The following ANKRD36B variants were observed in gnomAD, a reference collection of about 807,000 sequenced individuals.
ANKRD36B encodes the protein ankyrin repeat domain-containing protein 36B.
In ANKRD36B, 37 loss-of-function variants were observed where a neutral mutation model predicts 135.7. The ratio of observed to expected loss-of-function variants is 0.27; its 90% CI spans 0.21 to 0.36. The LOEUF is 0.36. Among genes scored for constraint, ANKRD36B ranks in the 10% least tolerant of loss-of-function variants. The pLI, the probability that ANKRD36B is intolerant of heterozygous loss-of-function variation, is 1.00. For synonymous variants in ANKRD36B, 179 were observed against 348.1 expected (o/e 0.51, Z 5.41); for missense variants, 549 against 1,037.1 (o/e 0.53, Z 6.46).
chr2:97,540,556 C>A (rs1303564991), intron 28 of ANKRD36B, among the ~76,000 whole-genome samples: 1,296 of 96,260 alleles, frequency 0.013, 458 homozygotes, highest in Non-Finnish European at 0.029. Flanking sequence ...AACTCATACA[C>A]CTGAGAATCA....
At position 97,589,777 on chromosome 2, in the gene ANKRD36B, C is replaced by T; in HGVS notation, c.-92G>A. ...CGTATTTCAGCTCGCCTTCGGGGAT[C>T]GCCGCCTCCGAAGAGCAACAACAGG... On this transcript the variant is annotated 5_prime_UTR_variant, in exon 1 of 44. Coordinates refer to ENST00000359901, the MANE Select transcript of ANKRD36B (RefSeq NM_001393939.1). 2.5e-6 allele frequency: 4 copies of T among 1,593,364 alleles called. No individual in the cohort carries two copies. Among genetic ancestry groups the T allele is most frequent in the African/African-American group, 1.3e-5 (1 of 74,172 alleles).
rs758157821 is a variant in ANKRD36B at position 97,585,351 on chromosome 2, T to C, written c.209A>G (p.His70Arg). Reference protein sequence around the residue: ...ACATGQPEMVHLLVSRRCELN... With the variant: ...ACATGQPEMVRLLVSRRCELN... ...CTCACATCTTCTGGACACCAGGAGA[T>C]GTACCATTTCCGGTTGGCCAGTGGC... Residue 70 changes from histidine to arginine, a missense_variant, in exon 2 of 44, where the codon CAT (histidine) becomes CGT (arginine). By Grantham distance (29) the His-to-Arg change is conservative. Coordinates refer to ENST00000359901, the MANE Select transcript of ANKRD36B (RefSeq NM_001393939.1). 9 of 1,572,322 alleles carry C rather than the reference T, an allele frequency of 5.7e-6. No homozygotes were observed. The highest frequency in any genetic ancestry group is 1.4e-5 in the African/African-American group (1 of 73,832).
intron 6 of ANKRD36B, among the ~76,000 whole-genome samples, chr2:97,567,563 G>A (rs956916889): frequency 1.3e-5 from 2 of 152,040 alleles, no homozygotes; most frequent in African/African-American, 2.4e-5. Flanking sequence ...TGGGGTTGAA[G>A]ACCAAATATA....
intron 6 of ANKRD36B, among the ~76,000 whole-genome samples, chr2:97,575,280 G>A (rs1320980087): frequency 6.6e-6 from 1 of 151,564 alleles, no homozygotes; most frequent in Non-Finnish European, 1.5e-5. Flanking sequence ...TCTGCATCAT[G>A]GACAGCTCAT....
intron 10 of ANKRD36B, among the ~76,000 whole-genome samples, chr2:97,558,148 C>G (rs1428301701): frequency 4.6e-5 from 7 of 151,918 alleles, no homozygotes; most frequent in Non-Finnish European, 1.0e-4. Context: ...TGATGCCCAA[C>G]AGTAACAAAG....
Position 97,585,134 on chromosome 2 carries a change from G to A in ANKRD36B, c.277-17C>T, listed in dbSNP as rs746940268. 22 of 1,613,676 alleles carry A rather than the reference G, an allele frequency of 1.4e-5. No individual in the cohort carries two copies. Among genetic ancestry groups the A allele is most frequent in the Admixed American group, 3.3e-5 (2 of 59,974 alleles). ...TTGTACAGCCTGTCAGTATTAGACCGAGAAACATGCAAATACTGAAAAAAT... is the reference window on the plus strand; with the variant it reads ...TTGTACAGCCTGTCAGTATTAGACCAAGAAACATGCAAATACTGAAAAAAT... On this transcript the variant is annotated splice_polypyrimidine_tract_variant and intron_variant, in intron 2 of 43. Transcript: ENST00000359901.
chr2:97,545,763 G>C lies in ANKRD36B; in HGVS notation c.1609-25C>G, dbSNP rs181931139. The C allele has an allele frequency of 1.3e-4, 124 of 957,894 alleles. 35 individuals carry two copies. In the African/African-American group the frequency reaches 1.9e-3, roughly 15 times the overall value. The allele number at this position is 957,894 out of a possible 1,614,324, so 59.3% of individuals were successfully genotyped here. A position where few individuals can be genotyped will look rare whatever the true frequency, so the allele number is the denominator to read the frequency against. On this transcript the variant is annotated intron_variant, in intron 23 of 43. Transcript: ENST00000359901. Reference sequence around the variant, plus strand: ...CCTGAATGGAATTTGAAACAGAACAGTCAATAAATAAAGTATATTTCATAG... The same window carrying C: ...CCTGAATGGAATTTGAAACAGAACACTCAATAAATAAAGTATATTTCATAG...
At chr2:97,564,113 T>C (rs1490015151) in intron 6 of ANKRD36B, among the ~76,000 whole-genome samples, 1 of 151,792 alleles carries the variant, frequency 6.6e-6, no homozygotes, top group Non-Finnish European at 1.5e-5. Context: ...AATATGCACA[T>C]ATGTTGTAAG....
At chr2:97,554,584 T>C (rs2080331929) in intron 14 of ANKRD36B, among the ~76,000 whole-genome samples, 1 of 151,912 alleles carries the variant, frequency 6.6e-6, no homozygotes, top group Admixed American at 6.6e-5. Context: ...TTTTCCCTCC[T>C]TCCTGCCTCA....
intron 20 of ANKRD36B, 68 bp from the exon 21 acceptor site, chr2:97,547,799 A>T: frequency 1.3e-6 from 2 of 1,527,596 alleles, no homozygotes; most frequent in Non-Finnish European, 1.8e-6. Context: ...ACATTCACGC[A>T]GTGTTAGCAT....
chr2:97,562,049 C>A (rs1176589446), intron 6 of ANKRD36B, among the ~76,000 whole-genome samples: 1 of 151,880 alleles, frequency 6.6e-6, no homozygotes, highest in Admixed American at 6.6e-5. Flanking sequence ...TATTTATACT[C>A]ATGAAGACTC....
At chr2:97,551,159 T>C (rs2080022137) in intron 18 of ANKRD36B, 130 bp downstream of exon 18, 19 of 1,295,934 alleles carry the variant, frequency 1.5e-5, no homozygotes, top group Non-Finnish European at 1.8e-5. Context: ...CAAGAACTTA[T>C]TAGAAATGAA....
At chr2:97,554,758 G>A (rs1157195900) in intron 14 of ANKRD36B, among the ~76,000 whole-genome samples, 1 of 151,906 alleles carries the variant, frequency 6.6e-6, no homozygotes, top group Non-Finnish European at 1.5e-5. Context: ...CACCCTTGGT[G>A]AAAACATGCT....
At chr2:97,579,707 G>A (rs115342594) in intron 4 of ANKRD36B, among the ~76,000 whole-genome samples, 1 of 93,788 alleles carries the variant, frequency 1.1e-5, no homozygotes, top group African/African-American at 3.8e-5. Context: ...TATGATGTTA[G>A]TTACATTATA....
chr2:97,535,396 C>T (rs1325014651), intron 34 of ANKRD36B, among the ~76,000 whole-genome samples: 27 of 105,332 alleles, frequency 2.6e-4, no homozygotes, highest in African/African-American at 6.4e-4. Context: ...GTCATTATTA[C>T]ACATTGTATG....
rs1275754386 is a variant in ANKRD36B at position 97,541,398 on chromosome 2, C to T, written c.1885+513G>A. On this transcript the variant is annotated intron_variant, in intron 28 of 43. Transcript: ENST00000359901. ...TTCACTCAGCTTTCCTCAACAGAAACCCCAAAATTACATAAATAACTTCTT... is the reference window on the plus strand; with the variant it reads ...TTCACTCAGCTTTCCTCAACAGAAATCCCAAAATTACATAAATAACTTCTT... Among the ~76,000 whole-genome samples the T allele has an allele frequency of 2.1e-5, 2 of 95,758 alleles. 1 individual carries two copies. The highest frequency in any genetic ancestry group is 5.6e-5 in the Non-Finnish European group (2 of 35,896). 62.8% of individuals were successfully genotyped at this position (95,758 alleles called of 152,430 possible).
At chr2:97,514,921 T>TTTTC (rs2077744659) in intron 37 of ANKRD36B, among the ~76,000 whole-genome samples, 1 of 83,630 alleles carries the variant, frequency 1.2e-5, no homozygotes, top group African/African-American at 3.7e-5. Flanking sequence ...TTTTTTTTTT[T>TTTTC]TGAGAGGGAG....
chr2:97,553,316 T>C (rs2080230995), intron 15 of ANKRD36B, 27 bp downstream of exon 15: 1 of 1,608,994 alleles, frequency 6.2e-7, no homozygotes. Flanking sequence ...ATTTACTAGT[T>C]CACAACATAA....
rs2079308476 is a variant in ANKRD36B at position 97,544,463 on chromosome 2, T to A, written c.1682-478A>T. Among the ~76,000 whole-genome samples, 2 of 94,980 alleles carry A rather than the reference T, an allele frequency of 2.1e-5. 1 individual carries two copies. The highest frequency in any genetic ancestry group is 5.6e-5 in the Non-Finnish European group (2 of 35,450). The allele number at this position is 94,980 out of a possible 152,430, so 62.3% of individuals were successfully genotyped here. On this transcript the variant is annotated intron_variant, in intron 24 of 43. Coordinates refer to ENST00000359901, the MANE Select transcript of ANKRD36B (RefSeq NM_001393939.1). ...GCACACAATTACAATGACACTTCAGTTGAACGTACACTTCACGTCTCTTCA... is the reference window on the plus strand; with the variant it reads ...GCACACAATTACAATGACACTTCAGATGAACGTACACTTCACGTCTCTTCA...
Sources: gnomAD v4.1 joint callset for allele counts (sites outside exome capture counted in the v4.1 genomes callset) on GRCh38, gnomAD v4.1.1 for gene constraint, MANE v1.5 for transcripts, NCBI Gene and HGNC (gene_info 2026-07-23, HGNC 2026-07-21) for gene names.